ANKRD54: variants seen among roughly 807,000 people sequenced by gnomAD.
ANKRD54 encodes the protein ankyrin repeat domain-containing protein 54.
ANKRD54 carries 26 observed loss-of-function variants against 36.2 expected under a neutral mutation model. That is an observed-to-expected ratio of 0.72 (90% CI 0.53 to 1.00). The LOEUF (loss-of-function observed/expected upper bound fraction) is 1.00, where lower values mean the gene tolerates loss of function less well. Ranked by LOEUF, ANKRD54 falls within the 50% of genes least tolerant of loss-of-function variation. The probability of loss-of-function intolerance (pLI) is 0.00; values close to 1 mark genes in which losing one functional copy is unlikely to be tolerated. For missense variants in ANKRD54, 384 were observed against 424.3 expected (o/e 0.91, Z 0.83); for synonymous variants, 209 against 188.4 (o/e 1.11, Z -0.89).
chr22:37,849,243 C>T (rs1416798525), upstream of ANKRD54: 6 of 624,142 alleles, frequency 9.6e-6, no homozygotes, highest in African/African-American at 9.4e-5. Flanking sequence ...CCGCCCGCCT[C>T]GGCCTCCCAA....
intron 2 of ANKRD54, 99 bp downstream of exon 2, chr22:37,840,088 T>G: frequency 7.2e-7 from 1 of 1,391,622 alleles, no homozygotes; most frequent in Non-Finnish European, 1.0e-6. Context: ...TCCAAGGGCG[T>G]GAGTTTGCAG....
intron 4 of ANKRD54, among the ~76,000 whole-genome samples, chr22:37,833,462 T>A (rs1214379114): frequency 6.6e-6 from 1 of 152,122 alleles, no homozygotes; most frequent in Non-Finnish European, 1.5e-5. Context: ...TGGGCTAGCC[T>A]AGGTTGCTAA....
chr22:37,846,825 T>C (rs1231286822), upstream of ANKRD54, among the ~76,000 whole-genome samples: 2 of 152,162 alleles, frequency 1.3e-5, no homozygotes, highest in African/African-American at 4.8e-5. Context: ...TCCTGTCATA[T>C]ATGGACTATA....
chr22:37,836,899 C>T (rs187272693), intron 3 of ANKRD54, among the ~76,000 whole-genome samples: 64 of 151,710 alleles, frequency 4.2e-4, no homozygotes, highest in Admixed American at 9.2e-4. Flanking sequence ...TGTGATGATG[C>T]GTGCCTATAA....
upstream of ANKRD54, chr22:37,847,853 C>A: frequency 2.7e-6 from 1 of 368,342 alleles, no homozygotes. Context: ...AAGAACGCAG[C>A]ATAGGGAGTT....
upstream of ANKRD54, among the ~76,000 whole-genome samples, chr22:37,846,486 T>G (rs1436406873): frequency 6.6e-6 from 1 of 152,192 alleles, no homozygotes; most frequent in Non-Finnish European, 1.5e-5. Flanking sequence ...TTTTGATTTT[T>G]TGTAGACATG....
chr22:37,832,800 A>C, intron 6 of ANKRD54, 56 bp from the exon 7 acceptor site: 1 of 1,606,478 alleles, frequency 6.2e-7, no homozygotes, highest in Non-Finnish European at 8.5e-7. Context: ...AGACAGGCTG[A>C]TGCTGCTTCC....
chr22:37,844,460 C>T, upstream of ANKRD54: 1 of 505,148 alleles, frequency 2.0e-6, no homozygotes, highest in Non-Finnish European at 3.5e-6. Flanking sequence ...AAAGGGAGGG[C>T]ACAGTACAAG....
chr22:37,835,405 T>G (rs951228532), intron 3 of ANKRD54, among the ~76,000 whole-genome samples: 4 of 152,056 alleles, frequency 2.6e-5, no homozygotes, highest in Non-Finnish European at 5.9e-5. Flanking sequence ...GGAACTTGTG[T>G]TCATCAAAGT....
At chr22:37,838,959 G>A (rs969262816) in intron 2 of ANKRD54, among the ~76,000 whole-genome samples, 2 of 152,164 alleles carry the variant, frequency 1.3e-5, no homozygotes, top group Non-Finnish European at 2.9e-5. Context: ...GGAAACAGCT[G>A]CCCAAGCTAT....
upstream of ANKRD54, chr22:37,844,470 G>A (rs1007753411): frequency 1.3e-5 from 6 of 453,734 alleles, no homozygotes; most frequent in Admixed American, 2.6e-4. Context: ...CACAGTACAA[G>A]CAGGATAATT....
At chr22:37,833,113 G>A (rs1348655660) in intron 5 of ANKRD54, 31 bp from the exon 6 acceptor site, 1 of 1,614,026 alleles carries the variant, frequency 6.2e-7, no homozygotes, top group Non-Finnish European at 8.5e-7. Context: ...GAGCATTCTG[G>A]GGGTGAGGGG....
At chr22:37,848,979 T>C (rs1924992967), upstream of ANKRD54, 1 of 222,238 alleles carries the variant, frequency 4.5e-6, no homozygotes, top group Non-Finnish European at 8.8e-6. Flanking sequence ...AAATTCAGGC[T>C]ACTTGTAACC....
chr22:37,846,206 C>G (rs943384424), upstream of ANKRD54, among the ~76,000 whole-genome samples: 2 of 152,086 alleles, frequency 1.3e-5, no homozygotes, highest in African/African-American at 4.8e-5. Flanking sequence ...CTTTCTCTTA[C>G]AATTGGAAAA....
intron 1 of ANKRD54, among the ~76,000 whole-genome samples, chr22:37,840,745 G>A (rs551574406): frequency 1.3e-5 from 2 of 151,518 alleles, no homozygotes; most frequent in Non-Finnish European, 2.9e-5. Context: ...AAAATTAGCC[G>A]GGTGTGGTGC....
chr22:37,844,068 C>T lies in ANKRD54; in HGVS notation c.171G>A (p.Ala57=), dbSNP rs1436424832. The change falls in exon 1 of 8, where the codon GCG becomes GCA. Residue 57 remains alanine, a synonymous_variant. Transcript: ENST00000215941. ...GCAGCGGCGACTGGGCCCCGCCGGA[C>T]GCCCGGCCCGAGAGGCCCGCGCCGC... ...GGGGAGLSGR[A]SGGAQSPLRY... The T allele has an allele frequency of 1.4e-6, 2 of 1,437,070 alleles. No individual in the cohort carries two copies. Among genetic ancestry groups the T allele is most frequent in the Non-Finnish European group, 1.8e-6 (2 of 1,103,292 alleles). The allele number at this position is 1,437,070 out of a possible 1,614,324, so 89.0% of individuals were successfully genotyped here.
chr22:37,832,037 C>T lies in ANKRD54; in HGVS notation c.829-20G>A. 1 of 1,608,118 alleles carries T rather than the reference C, an allele frequency of 6.2e-7. No homozygotes were observed. The highest frequency in any genetic ancestry group is 8.5e-7 in the Non-Finnish European group (1 of 1,177,308). On this transcript the variant is annotated intron_variant, in intron 7 of 7. Transcript: ENST00000215941. ...ATCCACCTGCAGGACGGAACAGAGG[C>T]TCTGTTATGGGACACGGGGTGTGCC... is the stretch of plus-strand genomic sequence containing the variant.
rs1923066070 is a variant in ANKRD54 at position 37,832,874 on chromosome 22, C to T, written c.720+84G>A. 6 of 1,605,998 alleles carry T rather than the reference C, an allele frequency of 3.7e-6. No homozygotes were observed. In the South Asian group the frequency reaches 6.6e-5, roughly 18 times the overall value. On this transcript the variant is annotated intron_variant, in intron 6 of 7. Transcript: ENST00000215941. ...TGAAACAACCCAGGAGCCCTGGGAC[C>T]AGAGGCAGGTGTGTCTGTGGTTAGG...
At position 37,831,535 on chromosome 22, in the gene ANKRD54, C is replaced by T. The variant is rs564733997; in HGVS notation, c.*408G>A. The T allele has an allele frequency of 1.1e-5, 2 of 188,806 alleles. No homozygotes were observed. Among genetic ancestry groups the T allele is most frequent in the South Asian group, 1.3e-4 (1 of 7,936 alleles). The allele number at this position is 188,806 out of a possible 1,614,324, so 11.7% of individuals were successfully genotyped here. On this transcript the variant is annotated 3_prime_UTR_variant, in exon 8 of 8. Transcript: ENST00000215941. ...GCAGTACCCCTGGCCACAGGGTGCC[C>T]GCCTAAGCCCACACCTGCTGACTGC...
Sources: gnomAD v4.1 joint callset for allele counts (sites outside exome capture counted in the v4.1 genomes callset) on GRCh38, gnomAD v4.1.1 for gene constraint, MANE v1.5 for transcripts, NCBI Gene and HGNC (gene_info 2026-07-23, HGNC 2026-07-21) for gene names.